The following VPS8 variants were observed in gnomAD, a reference collection of about 807,000 sequenced individuals.
VPS8 encodes the protein VPS8 subunit of CORVET complex.
Under a neutral mutation model 216.4 loss-of-function variants are expected in VPS8, and 129 were observed. The ratio of observed to expected loss-of-function variants is 0.60; its 90% confidence interval spans 0.52 to 0.69. The LOEUF is 0.69. Ranked by LOEUF, VPS8 falls within the 30% of genes least tolerant of loss-of-function variation. The pLI is 0.00. For synonymous variants in VPS8, 571 were observed against 565.4 expected (o/e 1.01, Z -0.14); for missense variants, 1,531 against 1,683.5 (o/e 0.91, Z 1.59).
At chr3:184,997,199 G>A (rs1292439008) in intron 44 of VPS8, among the ~76,000 whole-genome samples, 2 of 152,176 alleles carry the variant, frequency 1.3e-5, no homozygotes, top group Non-Finnish European at 2.9e-5. Context: ...GTTGGTCTCA[G>A]GAGCAAAGAC....
chr3:184,869,801 A>G (rs1337576581), intron 20 of VPS8, among the ~76,000 whole-genome samples: 1 of 152,132 alleles, frequency 6.6e-6, no homozygotes, highest in Non-Finnish European at 1.5e-5. Context: ...AGGCCAGAGG[A>G]TCACTTGAGC....
At chr3:184,978,622 A>G (rs1276587172) in intron 40 of VPS8, among the ~76,000 whole-genome samples, 1 of 151,422 alleles carries the variant, frequency 6.6e-6, no homozygotes, top group Non-Finnish European at 1.5e-5. Context: ...CTTGTCTCGA[A>G]CTCCTGGACT....
rs377306896 is a variant in VPS8, at chr3:185,005,825, A to G, written c.4002+5964A>G. 3.0e-4 allele frequency among the ~76,000 whole-genome samples: 45 copies of G among 152,194 alleles called. No individual in the cohort carries two copies. In the South Asian group the frequency reaches 9.1e-3, roughly 31 times the overall value. ...TGGGTCTTTAGGGTTTTTAAGGTACACAATCATGTCATTGGCGAACAGTGA... is the reference window on the plus strand; with the variant it reads ...TGGGTCTTTAGGGTTTTTAAGGTACGCAATCATGTCATTGGCGAACAGTGA... On this transcript the variant is annotated intron_variant, in intron 45 of 47. Coordinates refer to ENST00000625842, the MANE Select transcript of VPS8 (RefSeq NM_001009921.3).
intron 25 of VPS8, among the ~76,000 whole-genome samples, chr3:184,903,076 T>A (rs1560601696): frequency 6.6e-6 from 1 of 152,230 alleles, no homozygotes; most frequent in East Asian, 1.9e-4. Context: ...TTGACACCTT[T>A]ATGAAAAGTC....
Position 184,826,213 on chromosome 3 carries a change from G to A in VPS8, c.204G>A (p.Leu68=), listed in dbSNP as rs767906145. Residue 68 remains leucine (L), a synonymous_variant, in exon 3 of 48, where the codon CTG becomes CTA. Transcript: ENST00000625842. ...CTCAAGTTGATACTCCTCCAACACT[G>A]GAAAGCATACTAAATGAGGTAAGTG... ...DIPQVDTPPT[L]ESILNETDDE... The A allele has an allele frequency of 9.3e-6, 15 of 1,610,174 alleles. No individual in the cohort carries two copies. In the Admixed American group the frequency reaches 1.3e-4, roughly 14 times the overall value.
In VPS8 at chr3:184,948,380, G is replaced by A. The variant is rs566319406; in HGVS notation, c.3035+8137G>A. On this transcript the variant is annotated intron_variant, in intron 36 of 47. Coordinates refer to ENST00000625842, the MANE Select transcript of VPS8 (RefSeq NM_001009921.3). Reference sequence around the variant, plus strand: ...TAAAAATGAAAAATTAGCCAGGCATGGTAGTCACACCTATAATCCCAGCTA... The same window carrying A: ...TAAAAATGAAAAATTAGCCAGGCATAGTAGTCACACCTATAATCCCAGCTA... 2.4e-4 allele frequency among the ~76,000 whole-genome samples: 37 copies of A among 152,224 alleles called. 1 individual carries two copies. In the South Asian group the frequency reaches 4.1e-3, roughly 17 times the overall value.
chr3:184,987,004 A>C (rs1560996890), intron 42 of VPS8, among the ~76,000 whole-genome samples: 2 of 152,174 alleles, frequency 1.3e-5, no homozygotes, highest in Non-Finnish European at 2.9e-5. Flanking sequence ...GGGTTTTGAC[A>C]AATGCATAAT....
At chr3:184,985,007 T>C (rs546592191) in intron 42 of VPS8, among the ~76,000 whole-genome samples, 44 of 152,358 alleles carry the variant, frequency 2.9e-4, no homozygotes, top group African/African-American at 1.0e-3. Flanking sequence ...TTTTTTCTTA[T>C]CATTTTCTAT....
At chr3:184,987,061 C>T (rs1244474209) in intron 42 of VPS8, among the ~76,000 whole-genome samples, 2 of 152,076 alleles carry the variant, frequency 1.3e-5, no homozygotes, top group Non-Finnish European at 2.9e-5. Flanking sequence ...TAAAAGGCCC[C>T]TGTGCTCCAC....
rs80019143 is a variant in VPS8, at chr3:184,904,007, T to C, written c.2146+3035T>C. Among the ~76,000 whole-genome samples the C allele has an allele frequency of 4.8e-4, 73 of 152,304 alleles. No individual in the cohort carries two copies. The East Asian group carries it at 0.014, about 29-fold the overall frequency. ...AAGTATTTTATTCACCTTGATGCTG[T>C]TATAAATGAAATTGTTTCCTTAATT... is the stretch of plus-strand genomic sequence containing the variant. On this transcript the variant is annotated intron_variant, in intron 25 of 47. Transcript: ENST00000625842.
intron 37 of VPS8, among the ~76,000 whole-genome samples, chr3:184,962,357 A>G (rs553298980): frequency 1.4e-4 from 21 of 152,304 alleles, no homozygotes; most frequent in South Asian, 1.2e-3. Context: ...GATTGTTTCT[A>G]TTCTCATCAG....
Position 184,849,031 on chromosome 3 carries a change from T to C in VPS8, c.542-40T>C, listed in dbSNP as rs746566711. On this transcript the variant is annotated intron_variant, in intron 8 of 47. Transcript: ENST00000625842. ...CCTGTACTCGATGTATTTACTCTCT[T>C]GCATTTCCTTCACTTGACTTTAAAA... The C allele has an allele frequency of 6.2e-6, 10 of 1,608,696 alleles. No individual in the cohort carries two copies. The South Asian group carries it at 7.7e-5, about 12-fold the overall frequency.
At position 184,869,001 on chromosome 3, in the gene VPS8, G is replaced by T. The variant is rs1727863723; in HGVS notation, c.1562G>T (p.Trp521Leu). ...DCLTEALALA[W>L]SFHEGKAKAV... ...CTTACAGAAGCGTTGGCTCTTGCGT[G>T]GTCTTTCCATGAAGGAAAAGCAAAA... Residue 521 changes from tryptophan (W) to leucine (L), a missense_variant, in exon 19 of 48, where the codon TGG becomes TTG. Around this residue, in one of 3 missense-constraint regions of VPS8, gnomAD observed 1,318 missense variants for 1,468.4 expected, o/e 0.90. Transcript: ENST00000625842. 6.2e-7 allele frequency: 1 copy of T among 1,610,222 alleles called. No individual in the cohort carries two copies. Among genetic ancestry groups the T allele is most frequent in the Non-Finnish European group, 8.5e-7 (1 of 1,178,364 alleles).
At chr3:184,833,057 C>A (rs1029586036) in intron 4 of VPS8, among the ~76,000 whole-genome samples, 2 of 152,038 alleles carry the variant, frequency 1.3e-5, no homozygotes, top group Non-Finnish European at 2.9e-5. Flanking sequence ...CTTCTGGAAG[C>A]AGGAGAGCCC....
intron 45 of VPS8, among the ~76,000 whole-genome samples, chr3:185,017,825 G>A (rs1034418379): frequency 1.3e-5 from 2 of 151,966 alleles, no homozygotes; most frequent in Non-Finnish European, 2.9e-5. Context: ...GTTTGGAATG[G>A]GGCCCAGGAC....
intron 42 of VPS8, among the ~76,000 whole-genome samples, chr3:184,991,807 G>A (rs2109834172): frequency 6.6e-6 from 1 of 152,236 alleles, no homozygotes; most frequent in East Asian, 1.9e-4. Flanking sequence ...ATATGGCTTT[G>A]AGTTGTTTTT....
intron 46 of VPS8, among the ~76,000 whole-genome samples, chr3:185,045,753 C>T (rs1329528297): frequency 1.6e-5 from 2 of 121,580 alleles, no homozygotes; most frequent in Non-Finnish European, 3.3e-5. Flanking sequence ...GGTGACAGAG[C>T]AAGACTCCGT....
At chr3:184,846,253 C>T (rs1383287046) in intron 8 of VPS8, among the ~76,000 whole-genome samples, 2 of 152,158 alleles carry the variant, frequency 1.3e-5, no homozygotes, top group Non-Finnish European at 2.9e-5. Flanking sequence ...TTTCCATTAA[C>T]AGATTTGTGG....
intron 16 of VPS8, among the ~76,000 whole-genome samples, chr3:184,865,328 G>A (rs1727138037): frequency 6.6e-6 from 1 of 151,978 alleles, no homozygotes; most frequent in African/African-American, 2.4e-5. Context: ...AACTGTATAC[G>A]AATTGATCAA....
Sources: allele counts gnomAD v4.1 joint callset (sites outside exome capture counted in the v4.1 genomes callset), GRCh38; gene constraint gnomAD v4.1.1; regional missense constraint gnomAD v4.1.1; transcripts MANE v1.5; gene names NCBI Gene and HGNC (gene_info 2026-07-23, HGNC 2026-07-21).